ITCH: variants seen among roughly 807,000 people sequenced by gnomAD.
ITCH encodes the protein itchy E3 ubiquitin protein ligase.
ITCH carries 28 observed loss-of-function variants against 126.8 expected under a neutral mutation model. The observed-to-expected ratio is 0.22, with a 90% CI of 0.16 to 0.30. The LOEUF is 0.30. Among genes scored for constraint, ITCH ranks in the 10% least tolerant of loss-of-function variants. The probability of loss-of-function intolerance (pLI) is 1.00; values close to 1 mark genes in which losing one functional copy is unlikely to be tolerated. For missense variants in ITCH, 631 were observed against 1,032.4 expected (o/e 0.61, Z 5.33); for synonymous variants, 342 against 340.0 (o/e 1.01, Z -0.06).
At chr20:34,382,940 C>A (rs2038123369) in intron 2 of ITCH, among the ~76,000 whole-genome samples, 1 of 151,840 alleles carries the variant, frequency 6.6e-6, no homozygotes, top group Admixed American at 6.6e-5. Context: ...AACGGAGTTT[C>A]ACCATGTTGG....
At chr20:34,450,292 A>T (rs917636452) in intron 12 of ITCH, among the ~76,000 whole-genome samples, 1 of 152,214 alleles carries the variant, frequency 6.6e-6, no homozygotes, top group African/African-American at 2.4e-5. Context: ...TTAATTCAAA[A>T]TAAAAAGCTT....
chr20:34,414,523 A>G (rs925075443), intron 6 of ITCH, among the ~76,000 whole-genome samples: 1 of 138,356 alleles, frequency 7.2e-6, no homozygotes, highest in Non-Finnish European at 1.5e-5. Context: ...CTGGAGTGCA[A>G]TGGCACGATT....
intron 12 of ITCH, among the ~76,000 whole-genome samples, chr20:34,451,206 C>G (rs557078456): frequency 6.6e-6 from 1 of 151,602 alleles, no homozygotes; most frequent in African/African-American, 2.4e-5. Context: ...AGGAGAGTCA[C>G]TTGAACCCGG....
intron 20 of ITCH, among the ~76,000 whole-genome samples, chr20:34,482,547 A>G (rs1252872321): frequency 2.0e-5 from 3 of 152,216 alleles, no homozygotes; most frequent in South Asian, 2.1e-4. Context: ...TTTTGACTCC[A>G]TGTCTCATAT....
intron 2 of ITCH, chr20:34,384,403 C>T (rs897649037): frequency 1.3e-5 from 2 of 151,684 alleles, no homozygotes; most frequent in Non-Finnish European, 2.9e-5. Flanking sequence ...TCCTCAGCCT[C>T]CTGAGTAACT....
chr20:34,404,372 G>T (rs1237684540), intron 3 of ITCH, among the ~76,000 whole-genome samples: 2 of 149,896 alleles, frequency 1.3e-5, no homozygotes, highest in Admixed American at 1.3e-4. Context: ...AGGTTTTGCA[G>T]TGTGACCCTT....
intron 23 of ITCH, among the ~76,000 whole-genome samples, chr20:34,500,897 A>T (rs1162642798): frequency 6.6e-6 from 1 of 152,060 alleles, no homozygotes; most frequent in Non-Finnish European, 1.5e-5. Flanking sequence ...TCATCTTTTC[A>T]CTTCCAGATG....
chr20:34,398,919 T>G (rs180966135), intron 3 of ITCH, among the ~76,000 whole-genome samples: 2 of 152,238 alleles, frequency 1.3e-5, no homozygotes, highest in African/African-American at 4.8e-5. Flanking sequence ...CCTTCATAAT[T>G]CATTGAGTTA....
chr20:34,433,253 G>A (rs1385899062), intron 7 of ITCH, among the ~76,000 whole-genome samples: 1 of 152,242 alleles, frequency 6.6e-6, no homozygotes, highest in Non-Finnish European at 1.5e-5. Flanking sequence ...TCGTGCCATT[G>A]CACTCCACCC....
intron 12 of ITCH, among the ~76,000 whole-genome samples, chr20:34,456,205 TATATATA>T (rs1985954164): frequency 2.7e-4 from 10 of 37,230 alleles, no homozygotes; most frequent in African/African-American, 1.2e-3. Context: ...TATATATATA[TATATATA>T]TATTTTTTTT....
intron 2 of ITCH, among the ~76,000 whole-genome samples, chr20:34,383,389 A>T (rs1231198503): frequency 1.5e-5 from 2 of 132,980 alleles, no homozygotes; most frequent in African/African-American, 5.8e-5. Context: ...TTTTTGAGAC[A>T]GAGTTTTGCT....
intron 23 of ITCH, among the ~76,000 whole-genome samples, chr20:34,496,906 G>A (rs561705964): frequency 3.3e-5 from 5 of 151,720 alleles, no homozygotes; most frequent in Admixed American, 6.6e-5. Context: ...ATTTTTGTAC[G>A]TTATGAGAGA....
intron 3 of ITCH, among the ~76,000 whole-genome samples, chr20:34,406,497 G>A (rs1982563965): frequency 6.6e-6 from 1 of 151,464 alleles, no homozygotes; most frequent in African/African-American, 2.4e-5. Context: ...TGCCTGCTTA[G>A]ATATCCAGAC....
intron 4 of ITCH, among the ~76,000 whole-genome samples, chr20:34,409,919 C>G (rs994188414): frequency 2.0e-4 from 30 of 151,792 alleles, no homozygotes; most frequent in Non-Finnish European, 4.1e-4. Flanking sequence ...AATCTCAACT[C>G]TTTGGGAGAC....
At chr20:34,376,337 C>G (rs761187819) in intron 2 of ITCH, among the ~76,000 whole-genome samples, 20 of 151,840 alleles carry the variant, frequency 1.3e-4, no homozygotes, top group African/African-American at 4.8e-4. Context: ...GTGCAAGGGT[C>G]GCTTAAGCCC....
At chr20:34,418,266 C>T (rs1254099579) in intron 6 of ITCH, among the ~76,000 whole-genome samples, 1 of 152,038 alleles carries the variant, frequency 6.6e-6, no homozygotes, top group East Asian at 1.9e-4. Flanking sequence ...CTCCCGGCCA[C>T]TTTTAACTTC....
intron 10 of ITCH, among the ~76,000 whole-genome samples, chr20:34,443,744 G>T (rs765486704): frequency 1.3e-5 from 2 of 152,092 alleles, no homozygotes; most frequent in Non-Finnish European, 2.9e-5. Flanking sequence ...TAGCACTTTG[G>T]GGGGACAAGG....
intron 6 of ITCH, among the ~76,000 whole-genome samples, chr20:34,415,557 C>CA (rs1288620571): frequency 2.0e-5 from 3 of 151,244 alleles, no homozygotes; most frequent in Admixed American, 6.6e-5. Context: ...GACTCTCTCT[C>CA]AAAAAAAATA....
At chr20:34,415,376 T>TGG (rs2146182390) in intron 6 of ITCH, among the ~76,000 whole-genome samples, 11 of 151,360 alleles carry the variant, frequency 7.3e-5, no homozygotes, top group Admixed American at 3.3e-4. Context: ...CTAGGCAACA[T>TGG]AACAAAACCC....
Sources: gnomAD v4.1 joint callset for allele counts (sites outside exome capture counted in the v4.1 genomes callset) on GRCh38, gnomAD v4.1.1 for gene constraint, MANE v1.5 for transcripts, NCBI Gene and HGNC (gene_info 2026-07-23, HGNC 2026-07-21) for gene names.